The following CPLX2 variants were observed in gnomAD, a reference collection of about 807,000 sequenced individuals.
CPLX2 encodes the protein complexin-2.
Under a neutral mutation model 16.3 loss-of-function variants are expected in CPLX2, and 5 were observed. The observed-to-expected ratio is 0.31, with a 90% CI of 0.16 to 0.64. CPLX2 has a LOEUF of 0.64. CPLX2 is among the 30% of genes least tolerant of loss of function. CPLX2 has a pLI of 0.79. For missense variants in CPLX2, 144 were observed against 181.4 expected (o/e 0.79, Z 1.18); for synonymous variants, 89 against 73.2 (o/e 1.22, Z -1.10).
At chr5:175,837,349 G>C (rs1758857288) in intron 2 of CPLX2, among the ~76,000 whole-genome samples, 1 of 152,224 alleles carries the variant, frequency 6.6e-6, no homozygotes, top group South Asian at 2.1e-4. Flanking sequence ...TCTTCACCTG[G>C]AGCCAAGGCC....
intron 1 of CPLX2, among the ~76,000 whole-genome samples, chr5:175,800,015 T>C (rs1758064407): frequency 6.6e-6 from 1 of 152,164 alleles, no homozygotes; most frequent in African/African-American, 2.4e-5. Context: ...TATGAGGCCT[T>C]CCTTTTCCGA....
chr5:175,838,863 A>C (rs1758892969), intron 2 of CPLX2, among the ~76,000 whole-genome samples: 1 of 152,202 alleles, frequency 6.6e-6, no homozygotes, highest in African/African-American at 2.4e-5. Flanking sequence ...CATTTCTATA[A>C]AATGCTTGAA....
chr5:175,824,303 C>G (rs1449705792), intron 2 of CPLX2, among the ~76,000 whole-genome samples: 1 of 152,230 alleles, frequency 6.6e-6, no homozygotes, highest in East Asian at 1.9e-4. Flanking sequence ...AGGTAAGCCA[C>G]GAGGTGAGGT....
intron 1 of CPLX2, among the ~76,000 whole-genome samples, chr5:175,797,056 G>A (rs567070933): frequency 2.2e-4 from 33 of 152,234 alleles, no homozygotes; most frequent in African/African-American, 7.5e-4. Context: ...GGCGGACAGC[G>A]GCGGCCGGGC....
chr5:175,803,121 G>T (rs1758130539), intron 1 of CPLX2, among the ~76,000 whole-genome samples: 1 of 152,142 alleles, frequency 6.6e-6, no homozygotes, highest in Non-Finnish European at 1.5e-5. Context: ...GAGCCACCCA[G>T]AGTGCTCGGC....
intron 2 of CPLX2, among the ~76,000 whole-genome samples, chr5:175,819,024 C>T (rs373281429): frequency 7.9e-5 from 12 of 152,190 alleles, no homozygotes; most frequent in South Asian, 2.1e-4. Flanking sequence ...GAAATCACGC[C>T]GTGTTGGACC....
chr5:175,802,266 C>T (rs73803051), intron 1 of CPLX2, among the ~76,000 whole-genome samples: 1,611 of 152,176 alleles, frequency 0.011, 24 homozygotes, highest in African/African-American at 0.036. Flanking sequence ...GGTCTCAAGC[C>T]CTTCCAAATC....
chr5:175,798,011 G>C (rs908921842), intron 1 of CPLX2, among the ~76,000 whole-genome samples: 1 of 152,168 alleles, frequency 6.6e-6, no homozygotes, highest in Non-Finnish European at 1.5e-5. Flanking sequence ...AGGGGGCAGG[G>C]GTGATTCGCC....
chr5:175,827,380 C>A (rs1758637255), intron 2 of CPLX2, among the ~76,000 whole-genome samples: 1 of 152,192 alleles, frequency 6.6e-6, no homozygotes, highest in Admixed American at 6.5e-5. Flanking sequence ...GAGGGCAATG[C>A]AGAGTGGCCC....
At chr5:175,874,341 C>T (rs972990677) in intron 1 of CPLX2, among the ~76,000 whole-genome samples, 19 of 152,178 alleles carry the variant, frequency 1.2e-4, no homozygotes, top group African/African-American at 4.6e-4. Flanking sequence ...TCGGCACCCC[C>T]ATCCCAATCT....
In CPLX2 at chr5:175,804,121, T is replaced by C. The variant is rs1487099726; in HGVS notation, c.-168-4868T>C. ...TGCAAAAAAACCGTGATGAATAAAATATCAAAATTTTAAATCAAGACAGGA... is the reference window on the plus strand; with the variant it reads ...TGCAAAAAAACCGTGATGAATAAAACATCAAAATTTTAAATCAAGACAGGA... On this transcript the variant is annotated intron_variant, in intron 1 of 4. Transcript: ENST00000359546. Among the ~76,000 whole-genome samples the C allele has an allele frequency of 2.0e-5, 3 of 152,106 alleles. No individual in the cohort carries two copies. In the East Asian group the frequency reaches 5.8e-4, roughly 29 times the overall value.
chr5:175,870,900 G>C (rs1449054767), upstream of CPLX2, among the ~76,000 whole-genome samples: 1 of 152,138 alleles, frequency 6.6e-6, no homozygotes, highest in African/African-American at 2.4e-5. Flanking sequence ...CGAGGGTCTT[G>C]CCCACACGCT....
intron 2 of CPLX2, among the ~76,000 whole-genome samples, chr5:175,822,153 C>A (rs996945177): frequency 1.3e-5 from 2 of 151,320 alleles, no homozygotes; most frequent in Non-Finnish European, 2.9e-5. Context: ...ATCTCACCAC[C>A]TTCTCCTTCA....
At chr5:175,873,559 C>A (rs1319348431) in intron 1 of CPLX2, among the ~76,000 whole-genome samples, 1 of 152,172 alleles carries the variant, frequency 6.6e-6, no homozygotes, top group Non-Finnish European at 1.5e-5. Context: ...GCAGGCAATA[C>A]TGCCCCCAGA....
chr5:175,847,259 G>A (rs1049897223), intron 2 of CPLX2, among the ~76,000 whole-genome samples: 1 of 152,142 alleles, frequency 6.6e-6, no homozygotes, highest in African/African-American at 2.4e-5. Flanking sequence ...GAGCCGCGTG[G>A]GGGAGTGCGA....
chr5:175,807,317 C>T (rs185861006), intron 1 of CPLX2, among the ~76,000 whole-genome samples: 4 of 152,330 alleles, frequency 2.6e-5, no homozygotes, highest in Admixed American at 6.5e-5. Flanking sequence ...CCAGATGACG[C>T]GCTAGCTGTT....
intron 2 of CPLX2, among the ~76,000 whole-genome samples, chr5:175,839,317 G>A (rs112338691): frequency 0.043 from 6,548 of 151,732 alleles, 214 homozygotes; most frequent in South Asian, 0.12. Context: ...AAGGAGTCTC[G>A]CTCTGTCACC....
chr5:175,869,988 G>C (rs1403387958), upstream of CPLX2, among the ~76,000 whole-genome samples: 1 of 152,166 alleles, frequency 6.6e-6, no homozygotes, highest in African/African-American at 2.4e-5. Flanking sequence ...AAGAGGGGAC[G>C]GGGAGGACTG....
intron 2 of CPLX2, among the ~76,000 whole-genome samples, chr5:175,816,108 G>A (rs897224869): frequency 1.1e-4 from 16 of 152,276 alleles, no homozygotes; most frequent in Admixed American, 2.6e-4. Context: ...CGGTGACTCC[G>A]GGATCTAGGC....
Sources: allele counts gnomAD v4.1 joint callset (sites outside exome capture counted in the v4.1 genomes callset), GRCh38; gene constraint gnomAD v4.1.1; transcripts MANE v1.5; gene names NCBI Gene and HGNC (gene_info 2026-07-23, HGNC 2026-07-21).